The following SLC9B2 variants were observed in gnomAD, a reference collection of about 807,000 sequenced individuals.
SLC9B2 encodes solute carrier family 9 member B2, also known as sodium/hydrogen exchanger 9B2.
A neutral mutation model predicts 52.2 loss-of-function variants in SLC9B2; 39 were observed. That is an observed-to-expected ratio of 0.75 (90% CI 0.58 to 0.98). The LOEUF (loss-of-function observed/expected upper bound fraction) is 0.98, where lower values mean the gene tolerates loss of function less well. Ranked by LOEUF, SLC9B2 falls within the 50% of genes least tolerant of loss-of-function variation. SLC9B2 has a pLI of 0.00. For missense variants in SLC9B2, 626 were observed against 637.5 expected (o/e 0.98, Z 0.19); for synonymous variants, 214 against 227.0 (o/e 0.94, Z 0.51).
chr4:103,056,829 A>G (rs1745170837), intron 4 of SLC9B2, among the ~76,000 whole-genome samples: 1 of 152,200 alleles, frequency 6.6e-6, no homozygotes, highest in African/African-American at 2.4e-5. Flanking sequence ...ACTACAAATA[A>G]ATGGTTGCAT....
intron 1 of SLC9B2, among the ~76,000 whole-genome samples, chr4:103,073,611 A>G (rs1746860685): frequency 6.6e-6 from 1 of 152,212 alleles, no homozygotes; most frequent in African/African-American, 2.4e-5. Flanking sequence ...CCAAAGGAAA[A>G]CAACCGCTAT....
intron 8 of SLC9B2, among the ~76,000 whole-genome samples, chr4:103,043,792 T>C (rs1451379437): frequency 6.6e-6 from 1 of 152,208 alleles, no homozygotes; most frequent in Non-Finnish European, 1.5e-5. Flanking sequence ...GTGTATGTAG[T>C]AGCCACATTA....
At chr4:103,072,056 G>GTTTTTTTTTCTTTTTTTTTTTTTT (rs1746690083) in intron 1 of SLC9B2, among the ~76,000 whole-genome samples, 1 of 95,306 alleles carries the variant, frequency 1.0e-5, no homozygotes, top group African/African-American at 4.6e-5. Context: ...TGGCTTTCAT[G>GTTTTTTTTTCTTTTTTTTTTTTTT]TTTTTTTTTT....
chr4:103,068,433 C>T (rs1313399180), intron 1 of SLC9B2, among the ~76,000 whole-genome samples: 2 of 152,152 alleles, frequency 1.3e-5, no homozygotes. Context: ...GAAGATAATA[C>T]TTTGTACTTT....
intron 9 of SLC9B2, among the ~76,000 whole-genome samples, chr4:103,033,621 G>C (rs1281158975): frequency 6.6e-6 from 1 of 152,008 alleles, no homozygotes; most frequent in Non-Finnish European, 1.5e-5. Context: ...AAAGTTTTAG[G>C]ATAAAAAATC....
intron 6 of SLC9B2, among the ~76,000 whole-genome samples, chr4:103,047,801 C>T (rs181850372): frequency 1.5e-3 from 230 of 152,126 alleles, no homozygotes; most frequent in Non-Finnish European, 2.7e-3. Context: ...TCATTGACAA[C>T]TACAGTCTTT....
intron 4 of SLC9B2, among the ~76,000 whole-genome samples, chr4:103,051,331 G>C (rs926443349): frequency 1.3e-5 from 2 of 152,194 alleles, no homozygotes; most frequent in Admixed American, 6.5e-5. Context: ...TTCTCCAGCA[G>C]TGCCCTCTTC....
At chr4:103,034,249 C>T (rs1442660194) in intron 9 of SLC9B2, among the ~76,000 whole-genome samples, 2 of 152,082 alleles carry the variant, frequency 1.3e-5, no homozygotes, top group Non-Finnish European at 2.9e-5. Context: ...AACTGGCTAA[C>T]CATATGCAGA....
chr4:103,019,942 G>C (rs1243582728), downstream of SLC9B2: 18 of 986,358 alleles, frequency 1.8e-5, no homozygotes, highest in Non-Finnish European at 1.9e-5. Context: ...AAAAAGCAGT[G>C]CTCGGGACTG....
chr4:103,057,685 G>T, intron 4 of SLC9B2, 116 bp downstream of exon 4: 1 of 1,119,412 alleles, frequency 8.9e-7, no homozygotes, highest in Non-Finnish European at 1.3e-6. Flanking sequence ...ACTGGCTTTT[G>T]GCTCCAGCAT....
At chr4:103,051,226 T>C (rs1377840011) in intron 4 of SLC9B2, among the ~76,000 whole-genome samples, 1 of 152,188 alleles carries the variant, frequency 6.6e-6, no homozygotes, top group African/African-American at 2.4e-5. Context: ...CTGAGGAAGC[T>C]GAGTAGTTAG....
At chr4:103,029,085 T>C (rs72943520) in intron 10 of SLC9B2, among the ~76,000 whole-genome samples, 3,953 of 152,288 alleles carry the variant, frequency 0.026, 139 homozygotes, top group African/African-American at 0.085. Flanking sequence ...AAGGTGTTTC[T>C]GTAGATTAAA....
intron 9 of SLC9B2, among the ~76,000 whole-genome samples, chr4:103,039,611 T>C (rs7660298): frequency 0.58 from 87,302 of 150,580 alleles, 26,397 homozygotes; most frequent in African/African-American, 0.77. Context: ...TCCTTCCTTT[T>C]TTTGGGGAAC....
At chr4:103,050,403 A>T in intron 4 of SLC9B2, 21 bp from the exon 5 acceptor site, 2 of 1,548,018 alleles carry the variant, frequency 1.3e-6, no homozygotes, top group Non-Finnish European at 8.7e-7. Context: ...GAAATCAAAC[A>T]TATCTAGTTA....
At chr4:103,070,584 G>A (rs550707040) in intron 1 of SLC9B2, among the ~76,000 whole-genome samples, 81 of 152,268 alleles carry the variant, frequency 5.3e-4, no homozygotes, top group African/African-American at 1.9e-3. Context: ...GGGATTACAG[G>A]TGCCCGCCAC....
rs72665031 is a variant in SLC9B2 at position 103,073,412 on chromosome 4, A to G, written c.-43+2772T>C. 5.0e-3 allele frequency among the ~76,000 whole-genome samples: 760 copies of G among 152,346 alleles called. 1 individual carries two copies. The highest frequency in any genetic ancestry group is 7.9e-3 in the Non-Finnish European group (536 of 68,026). ...AACATTCCAGTTTCTGTATTTGCTT[A>G]TCAACACTGATCTAATGGTCATTTC... On this transcript the variant is annotated intron_variant, in intron 1 of 11. Coordinates refer to ENST00000394785, the MANE Select transcript of SLC9B2 (RefSeq NM_178833.7).
chr4:103,019,056 T>C (rs993431241), downstream of SLC9B2, among the ~76,000 whole-genome samples: 5 of 152,096 alleles, frequency 3.3e-5, no homozygotes, highest in Non-Finnish European at 5.9e-5. Flanking sequence ...CTGTCTTCCA[T>C]GAAACTGATC....
intron 10 of SLC9B2, among the ~76,000 whole-genome samples, chr4:103,030,317 T>A (rs941882688): frequency 2.6e-5 from 4 of 152,120 alleles, no homozygotes; most frequent in Non-Finnish European, 5.9e-5. Context: ...TTAAGCTACA[T>A]ATGGTGTAAG....
intron 3 of SLC9B2, among the ~76,000 whole-genome samples, chr4:103,064,660 G>A (rs1412057100): frequency 1.3e-5 from 2 of 152,044 alleles, no homozygotes; most frequent in African/African-American, 2.4e-5. Flanking sequence ...ATGAAGAAAC[G>A]ATAAATGCTT....
Sources: gnomAD v4.1 joint callset for allele counts (sites outside exome capture counted in the v4.1 genomes callset) on GRCh38, gnomAD v4.1.1 for gene constraint, MANE v1.5 for transcripts, NCBI Gene and HGNC (gene_info 2026-07-23, HGNC 2026-07-21) for gene names.